ZNF358: variants seen among roughly 807,000 people sequenced by gnomAD.
ZNF358 encodes the protein zinc finger protein 358.
A neutral mutation model predicts 2.1 loss-of-function variants in ZNF358; 1 was observed. The ratio of observed to expected loss-of-function variants is 0.49; its 90% CI spans 0.17 to 2.30. The LOEUF (loss-of-function observed/expected upper bound fraction) is 2.30. ZNF358 is among the 30% of genes most tolerant of loss of function. ZNF358 has a pLI of 0.26. For missense variants in ZNF358, 665 were observed against 806.8 expected (o/e 0.82, Z 2.13); for synonymous variants, 381 against 359.7 (o/e 1.06, Z -0.67).
At position 7,520,956 on chromosome 19, in the gene ZNF358, C is replaced by T. The variant is rs376630934; in HGVS notation, c.*7C>T. On this transcript the variant is annotated 3_prime_UTR_variant, in exon 2 of 2. Coordinates refer to ENST00000597229, the MANE Select transcript of ZNF358 (RefSeq NM_018083.5). The surrounding 1 kb of genome is among the most constrained non-coding windows in gnomAD (Gnocchi z 6.0). The stretch of plus-strand genomic sequence containing the variant: ...GCTGGGGCCTGATGGCTGAAGGAGA[C>T]GCCGGCATCCTCGGGGGCCTGGGGA... 3 of 1,610,144 alleles carry T rather than the reference C, an allele frequency of 1.9e-6. No individual in the cohort carries two copies. Among genetic ancestry groups the T allele is most frequent in the South Asian group, 1.1e-5 (1 of 90,930 alleles).
At chr19:7,518,586 A>AGAAAGAAAGAAAGAAAGAAAGAAG (rs2022391727) in intron 1 of ZNF358, among the ~76,000 whole-genome samples, 1 of 149,736 alleles carries the variant, frequency 6.7e-6, no homozygotes, top group Non-Finnish European at 1.5e-5. Flanking sequence ...AAAGAAAGAA[A>AGAAAGAAAGAAAGAAAGAAAGAAG]GAAAGAAAGA....
At position 7,520,803 on chromosome 19, in the gene ZNF358, G is replaced by A. The variant is rs781065403; in HGVS notation, c.1561G>A (p.Asp521Asn). The A allele has an allele frequency of 6.2e-7, 1 of 1,613,102 alleles. No individual in the cohort carries two copies. The highest frequency in any genetic ancestry group is 1.1e-5 in the South Asian group (1 of 91,076). ...DLDPVPSPDP[D>N]PVPSPDPNPV... ...TGATCCTGTGCCCAGCCCAGACCCTGATCCTGTGCCCAGCCCTGATCCCAA... is the reference window on the plus strand; with the variant it reads ...TGATCCTGTGCCCAGCCCAGACCCTAATCCTGTGCCCAGCCCTGATCCCAA... The change falls in exon 2 of 2, where the codon GAT becomes AAT. Residue 521 changes from aspartate to asparagine, a missense_variant. By Grantham distance (23) the Asp-to-Asn change is conservative. Transcript: ENST00000597229. This position sits in a 1 kb window ranked among gnomAD's most constrained non-coding sequence, Gnocchi z 6.0.
rs1241870627 is a variant in ZNF358, at chr19:7,521,010, C to A, written c.*61C>A. ...TGTGTGTTGTGCAGTCAGTAAAATC[C>A]TCCCACTGCCTCCGGGCTCTGTGTC... On this transcript the variant is annotated 3_prime_UTR_variant, in exon 2 of 2. Coordinates refer to ENST00000597229, the MANE Select transcript of ZNF358 (RefSeq NM_018083.5). 6.4e-7 allele frequency: 1 copy of A among 1,564,198 alleles called. No homozygotes were observed. Among genetic ancestry groups the A allele is most frequent in the Non-Finnish European group, 8.7e-7 (1 of 1,152,754 alleles).
rs1274838461 is a variant in ZNF358, at chr19:7,516,759, C to T, written c.-39+510C>T. Among the ~76,000 whole-genome samples, 1 of 152,098 alleles carries T rather than the reference C, an allele frequency of 6.6e-6. No homozygotes were observed. The highest frequency in any genetic ancestry group is 1.5e-5 in the Non-Finnish European group (1 of 67,992). ...GTCTTGGGGTCTGCAGTTCTGGAAG[C>T]TCCTTTCCCTGGAGGTGATCCAGGG... On this transcript the variant is annotated intron_variant, in intron 1 of 1. Coordinates refer to ENST00000597229, the MANE Select transcript of ZNF358 (RefSeq NM_018083.5). This position sits in a 1 kb window ranked among gnomAD's most constrained non-coding sequence, Gnocchi z 5.9.
intron 1 of ZNF358, among the ~76,000 whole-genome samples, chr19:7,518,172 A>T (rs1257410748): frequency 2.0e-5 from 3 of 152,316 alleles, no homozygotes; most frequent in Middle Eastern, 6.8e-3. Context: ...GCTGGGTCTC[A>T]TGACCTCCGT....
chr19:7,515,943 C>A (rs1245755570), upstream of ZNF358, among the ~76,000 whole-genome samples: 1 of 151,864 alleles, frequency 6.6e-6, no homozygotes, highest in Non-Finnish European at 1.5e-5. Context: ...GGGCTGCGTG[C>A]GGGCGGGGCA....
chr19:7,518,802 C>T (rs981489111), intron 1 of ZNF358, among the ~76,000 whole-genome samples: 9 of 151,464 alleles, frequency 5.9e-5, no homozygotes, highest in South Asian at 2.1e-4. Flanking sequence ...CGGTGGCTCA[C>T]GCCTGTAATC....
Position 7,520,067 on chromosome 19 carries a change from C to A in ZNF358, c.825C>A (p.Gly275=), listed in dbSNP as rs762980835. 1 of 1,575,700 alleles carries A rather than the reference C, an allele frequency of 6.3e-7. No individual in the cohort carries two copies. The highest frequency in any genetic ancestry group is 1.1e-5 in the South Asian group (1 of 88,910). ...TGTGCGCCAAGGGCTTCGGCCAGGG[C>A]TCTGCGCTGCTCAAACACCTGCGCA... ...CPVCAKGFGQ[G]SALLKHLRTH... The change falls in exon 2 of 2, where the codon GGC becomes GGA. Residue 275 remains glycine (G), a synonymous_variant. Transcript: ENST00000597229. This position sits in a 1 kb window ranked among gnomAD's most constrained non-coding sequence, Gnocchi z 6.0.
In ZNF358 at chr19:7,519,656, C is replaced by G. The variant is rs372659910; in HGVS notation, c.414C>G (p.Pro138=). The change falls in exon 2 of 2, where the codon CCC becomes CCG. Residue 138 remains proline, a synonymous_variant. Coordinates refer to ENST00000597229, the MANE Select transcript of ZNF358 (RefSeq NM_018083.5). The part of the protein sequence containing the change: ...TATPQVLATS[P]AVLPAPASPP... ...CCCCCCAGGTCTTGGCCACCAGCCC[C>G]GCGGTGCTCCCCGCCCCCGCCAGCC... 3.4e-5 allele frequency: 53 copies of G among 1,581,636 alleles called. 1 individual carries two copies. In the African/African-American group the frequency reaches 5.2e-4, roughly 16 times the overall value.
chr19:7,520,628 T>C lies in ZNF358; in HGVS notation c.1386T>C (p.Pro462=), dbSNP rs1158511378. 1.3e-6 allele frequency: 2 copies of C among 1,538,974 alleles called. No individual in the cohort carries two copies. Among genetic ancestry groups the C allele is most frequent in the Admixed American group, 3.8e-5 (2 of 52,680 alleles). The part of the protein sequence containing the change: ...LSPGTSSGRN[P]DPGSGPGTLP... ...CTGGCACCAGCTCTGGCCGCAACCC[T>C]GACCCTGGCTCTGGGCCGGGCACTC... The change falls in exon 2 of 2, where the codon CCT becomes CCC. Residue 462 remains proline, a synonymous_variant. Coordinates refer to ENST00000597229, the MANE Select transcript of ZNF358 (RefSeq NM_018083.5). This position sits in a 1 kb window ranked among gnomAD's most constrained non-coding sequence, Gnocchi z 6.0.
In ZNF358 at chr19:7,516,476, G is replaced by C. The variant is rs1337348458; in HGVS notation, c.-39+227G>C. Among the ~76,000 whole-genome samples, 1 of 151,974 alleles carries C rather than the reference G, an allele frequency of 6.6e-6. No individual in the cohort carries two copies. Among genetic ancestry groups the C allele is most frequent in the Non-Finnish European group, 1.5e-5 (1 of 67,938 alleles). On this transcript the variant is annotated intron_variant, in intron 1 of 1. Transcript: ENST00000597229. The surrounding 1 kb of genome is among the most constrained non-coding windows in gnomAD (Gnocchi z 5.9). The stretch of plus-strand genomic sequence containing the variant: ...ACCCATCCCGCCGCTGGGGCCCGGG[G>C]GGAAAGGGCCAGGAGGTTGGGAGCC...
rs149057092 is a variant in ZNF358 at position 7,520,849 on chromosome 19, C to A, written c.1607C>A (p.Pro536His). ...CCCAACCCTGTGTCCTGCCCTGACC[C>A]CTGTTCTCCCACTCGTGGCACTGTC... ...PDPNPVSCPDPCSPTRGTVSP... is the reference protein window; with the variant it reads ...PDPNPVSCPDHCSPTRGTVSP... The change falls in exon 2 of 2, where the codon CCC becomes CAC. Residue 536 changes from proline (P) to histidine (H), a missense_variant. Physicochemically the swap from Pro to His is moderately conservative, Grantham distance 77. Transcript: ENST00000597229. This position sits in a 1 kb window ranked among gnomAD's most constrained non-coding sequence, Gnocchi z 6.0. The A allele has an allele frequency of 1.2e-4, 192 of 1,614,136 alleles. No individual in the cohort carries two copies. In the African/African-American group the frequency reaches 2.1e-3, roughly 18 times the overall value.
Position 7,519,956 on chromosome 19 carries a change from G to C in ZNF358, c.714G>C (p.Pro238=). The C allele has an allele frequency of 6.6e-7, 1 of 1,521,678 alleles. No individual in the cohort carries two copies. The highest frequency in any genetic ancestry group is 8.8e-7 in the Non-Finnish European group (1 of 1,139,506). 94.3% of individuals were successfully genotyped at this position (1,521,678 alleles called of 1,614,324 possible). The part of the protein sequence containing the change: ...SHSGEKPHHC[P]VCGKAFGHGS... ...GCGGGGAGAAGCCGCACCACTGCCC[G>C]GTGTGTGGCAAGGCCTTCGGGCACG... Residue 238 remains proline, a synonymous_variant, in exon 2 of 2, where the codon CCG becomes CCC. Transcript: ENST00000597229.
rs1240545306 is a variant in ZNF358, at chr19:7,519,920, C to T, written c.678C>T (p.Arg226=). ...GGCGCTCCACGCTGCTGAAACATCG[C>T]AGCAGCCACAGCGGGGAGAAGCCGC... ...FGWRSTLLKH[R]SSHSGEKPHH... is the part of the protein sequence containing the mutation. Residue 226 remains arginine (R), a synonymous_variant, in exon 2 of 2, where the codon CGC becomes CGT. Transcript: ENST00000597229. 5.9e-6 allele frequency: 9 copies of T among 1,525,072 alleles called. No individual in the cohort carries two copies. In the South Asian group the frequency reaches 9.6e-5, roughly 16 times the overall value. 94.5% of individuals were successfully genotyped at this position (1,525,072 alleles called of 1,614,324 possible).
chr19:7,518,333 A>G (rs915928754), intron 1 of ZNF358, among the ~76,000 whole-genome samples: 11 of 152,044 alleles, frequency 7.2e-5, no homozygotes, highest in African/African-American at 2.7e-4. Context: ...GGGTTTGGCC[A>G]GGCACAGTGG....
upstream of ZNF358, chr19:7,515,269 C>G (rs2022320043): frequency 6.6e-6 from 1 of 152,220 alleles, no homozygotes; most frequent in African/African-American, 2.4e-5. Flanking sequence ...ACTCTCTCTC[C>G]TGGCTGGCAG....
chr19:7,520,856 T>C lies in ZNF358; in HGVS notation c.1614T>C (p.Ser538=), dbSNP rs770272225. The C allele has an allele frequency of 1.9e-6, 3 of 1,614,020 alleles. No individual in the cohort carries two copies. The highest frequency in any genetic ancestry group is 2.5e-6 in the Non-Finnish European group (3 of 1,179,988). The part of the protein sequence containing the change: ...PNPVSCPDPC[S]PTRGTVSPAL... ...CTGTGTCCTGCCCTGACCCCTGTTC[T>C]CCCACTCGTGGCACTGTCAGCCCAG... The change falls in exon 2 of 2, where the codon TCT becomes TCC. Residue 538 remains serine, a synonymous_variant. Coordinates refer to ENST00000597229, the MANE Select transcript of ZNF358 (RefSeq NM_018083.5). This position sits in a 1 kb window ranked among gnomAD's most constrained non-coding sequence, Gnocchi z 6.0.
rs780426495 is a variant in ZNF358 at position 7,516,814 on chromosome 19, GGAAA to G, written c.-39+568_-39+571del. Among the ~76,000 whole-genome samples, 6 of 152,032 alleles carry G rather than the reference GGAAA, an allele frequency of 3.9e-5. No homozygotes were observed. The highest frequency in any genetic ancestry group is 7.4e-5 in the Non-Finnish European group (5 of 67,950). On this transcript the variant is annotated intron_variant, in intron 1 of 1. Coordinates refer to ENST00000597229, the MANE Select transcript of ZNF358 (RefSeq NM_018083.5). This position sits in a 1 kb window ranked among gnomAD's most constrained non-coding sequence, Gnocchi z 5.9. Reference sequence around the variant, plus strand: ...ACCTGCCCTCACCCCTGGGAACTCAGGAAAGACTTAAGTGATTTCTCCTCCCACC... The same window carrying G: ...ACCTGCCCTCACCCCTGGGAACTCAGGACTTAAGTGATTTCTCCTCCCACC...
chr19:7,519,543 C>T lies in ZNF358; in HGVS notation c.301C>T (p.Pro101Ser). The change falls in exon 2 of 2, where the codon CCC (proline) becomes TCC (serine). Residue 101 changes from proline (P) to serine (S), a missense_variant. Coordinates refer to ENST00000597229, the MANE Select transcript of ZNF358 (RefSeq NM_018083.5). ...SFDLDPDVIG[P>S]VPLILDPNSD... The stretch of plus-strand genomic sequence containing the variant: ...CGACCTCGATCCAGATGTGATTGGC[C>T]CCGTACCCCTGATTCTCGATCCTAA... The T allele has an allele frequency of 1.9e-6, 3 of 1,606,434 alleles. No individual in the cohort carries two copies. The highest frequency in any genetic ancestry group is 2.5e-6 in the Non-Finnish European group (3 of 1,179,964).
Sources: allele counts gnomAD v4.1 joint callset (sites outside exome capture counted in the v4.1 genomes callset), GRCh38; gene constraint gnomAD v4.1.1; non-coding constraint Gnocchi (gnomAD v3.1); transcripts MANE v1.5; gene names NCBI Gene and HGNC (gene_info 2026-07-23, HGNC 2026-07-21).